The following CERS6 variants were observed in gnomAD, a reference collection of about 807,000 sequenced individuals.
CERS6 encodes LAG1 homolog, ceramide synthase 6.
A neutral mutation model predicts 56.8 loss-of-function variants in CERS6; 26 were observed. The observed-to-expected ratio is 0.46, with a 90% CI of 0.34 to 0.63. The LOEUF (loss-of-function observed/expected upper bound fraction) is 0.63, where lower values mean the gene tolerates loss of function less well. Ranked by LOEUF, CERS6 falls within the 30% of genes least tolerant of loss-of-function variation. The probability of loss-of-function intolerance (pLI) is 0.01; values close to 1 mark genes in which losing one functional copy is unlikely to be tolerated. For missense variants in CERS6, 415 were observed against 467.5 expected (o/e 0.89, Z 1.04); for synonymous variants, 164 against 173.3 (o/e 0.95, Z 0.42).
At chr2:168,723,907 G>T (rs1683262989) in intron 8 of CERS6, among the ~76,000 whole-genome samples, 1 of 152,162 alleles carries the variant, frequency 6.6e-6, no homozygotes, top group Non-Finnish European at 1.5e-5. Flanking sequence ...ATATGAATAG[G>T]TTTACTATAT....
At chr2:168,461,762 G>T (rs974646855) in intron 1 of CERS6, among the ~76,000 whole-genome samples, 1 of 152,220 alleles carries the variant, frequency 6.6e-6, no homozygotes, top group Non-Finnish European at 1.5e-5. Flanking sequence ...ATGATGTAAT[G>T]TCATCTAGGA....
At chr2:168,552,197 T>TA (rs1254159168) in intron 2 of CERS6, among the ~76,000 whole-genome samples, 1 of 152,160 alleles carries the variant, frequency 6.6e-6, no homozygotes, top group African/African-American at 2.4e-5. Flanking sequence ...TGGTTAAGAT[T>TA]AATGTTATTA....
At chr2:168,648,452 T>C (rs545558909) in intron 4 of CERS6, among the ~76,000 whole-genome samples, 42 of 152,300 alleles carry the variant, frequency 2.8e-4, no homozygotes, top group South Asian at 2.3e-3. Context: ...GTGTATCTTA[T>C]GAATTTTTTC....
At chr2:168,658,334 T>C (rs1487356117) in intron 4 of CERS6, among the ~76,000 whole-genome samples, 1 of 152,182 alleles carries the variant, frequency 6.6e-6, no homozygotes, top group African/African-American at 2.4e-5. Context: ...CCTGGTCAAA[T>C]TTTGAGGCCT....
chr2:168,562,365 C>T (rs1280756831), intron 3 of CERS6, among the ~76,000 whole-genome samples: 6 of 152,138 alleles, frequency 3.9e-5, no homozygotes, highest in African/African-American at 7.2e-5. Flanking sequence ...CCCAGGGGAC[C>T]GGCACTCAGC....
At position 168,774,710 on chromosome 2, in the gene CERS6, A is replaced by AAT. The variant is rs1360984046; in HGVS notation, c.*5048_*5049insAT. 1.7e-4 allele frequency: 26 copies of AAT among 152,124 alleles called. No homozygotes were observed. Among genetic ancestry groups the AAT allele is most frequent in the African/African-American group, 6.3e-4 (26 of 41,408 alleles). The allele number at this position is 152,124 out of a possible 1,614,324, so 9.4% of individuals were successfully genotyped here. A position where few individuals can be genotyped will look rare whatever the true frequency, so the allele number is the denominator to read the frequency against. On this transcript the variant is annotated 3_prime_UTR_variant, in exon 10 of 10. Coordinates refer to ENST00000305747, the MANE Select transcript of CERS6 (RefSeq NM_203463.3). ...TGATGATTCTGAAACTTTAACTTAG[A>AAT]GCTTCATTACTTTAAGAATGGAAAA...
intron 2 of CERS6, among the ~76,000 whole-genome samples, chr2:168,553,128 A>G (rs1443950915): frequency 6.6e-6 from 1 of 152,142 alleles, no homozygotes; most frequent in African/African-American, 2.4e-5. Context: ...GAAGGCAGGA[A>G]ACACTAGTCA....
At chr2:168,485,128 A>G (rs1358032914) in intron 1 of CERS6, among the ~76,000 whole-genome samples, 1 of 151,740 alleles carries the variant, frequency 6.6e-6, no homozygotes, top group Admixed American at 6.6e-5. Flanking sequence ...TTGACCCTTA[A>G]GTAAGATACA....
intron 4 of CERS6, among the ~76,000 whole-genome samples, chr2:168,632,463 C>T: frequency 6.6e-6 from 1 of 152,078 alleles, no homozygotes; most frequent in East Asian, 1.9e-4. Flanking sequence ...TTGTTTTTTA[C>T]TTGTAGTCTT....
intron 4 of CERS6, among the ~76,000 whole-genome samples, chr2:168,674,962 ATT>A (rs1686017468): frequency 2.2e-3 from 1 of 456 alleles, no homozygotes; most frequent in Non-Finnish European, 0.013. Flanking sequence ...ACATTACCTT[ATT>A]TATTTATTTA....
At chr2:168,687,123 A>G (rs2105356808) in intron 4 of CERS6, among the ~76,000 whole-genome samples, 1 of 152,308 alleles carries the variant, frequency 6.6e-6, no homozygotes, top group Non-Finnish European at 1.5e-5. Flanking sequence ...TCCCCAAGTG[A>G]CACACACAAA....
intron 8 of CERS6, among the ~76,000 whole-genome samples, chr2:168,746,775 G>GTATATATAATATATA (rs1684107860): frequency 2.6e-5 from 1 of 38,992 alleles, no homozygotes; most frequent in Non-Finnish European, 5.4e-5. Flanking sequence ...AGGGTAAAGG[G>GTATATATAATATATA]TATATATATA....
At chr2:168,605,278 G>C (rs1347212401) in intron 3 of CERS6, among the ~76,000 whole-genome samples, 1 of 152,182 alleles carries the variant, frequency 6.6e-6, no homozygotes, top group East Asian at 1.9e-4. Flanking sequence ...TGAGAGTGAT[G>C]GTTTAGGGTA....
intron 8 of CERS6, among the ~76,000 whole-genome samples, chr2:168,728,277 G>T: frequency 6.6e-6 from 1 of 151,780 alleles, no homozygotes; most frequent in East Asian, 1.9e-4. Context: ...CATTAGTCTC[G>T]TGAGTAATAA....
chr2:168,497,702 C>T (rs950575732), intron 1 of CERS6, among the ~76,000 whole-genome samples: 1 of 152,196 alleles, frequency 6.6e-6, no homozygotes, highest in South Asian at 2.1e-4. Flanking sequence ...GCTGGCTCAT[C>T]ACAGAGGGCC....
chr2:168,520,880 A>T (rs1691901659), intron 1 of CERS6, among the ~76,000 whole-genome samples: 1 of 152,038 alleles, frequency 6.6e-6, no homozygotes, highest in South Asian at 2.1e-4. Context: ...AAGTGCTGGG[A>T]TTACAGACGT....
At chr2:168,675,507 G>C (rs1686036087) in intron 4 of CERS6, among the ~76,000 whole-genome samples, 1 of 151,890 alleles carries the variant, frequency 6.6e-6, no homozygotes, top group Non-Finnish European at 1.5e-5. Flanking sequence ...GATGGCTTGA[G>C]CCCAGGGGGC....
intron 3 of CERS6, among the ~76,000 whole-genome samples, chr2:168,580,944 G>A (rs559002678): frequency 1.5e-4 from 23 of 151,382 alleles, no homozygotes; most frequent in African/African-American, 5.3e-4. Context: ...TTGTCTTTCT[G>A]TATTGCAATT....
At chr2:168,692,105 C>T (rs563555079) in intron 5 of CERS6, among the ~76,000 whole-genome samples, 4 of 152,194 alleles carry the variant, frequency 2.6e-5, no homozygotes, top group East Asian at 1.9e-4. Flanking sequence ...TCATCTCTTA[C>T]GAGTGGTTTT....
Sources: allele counts gnomAD v4.1 joint callset (sites outside exome capture counted in the v4.1 genomes callset), GRCh38; gene constraint gnomAD v4.1.1; transcripts MANE v1.5; gene names NCBI Gene and HGNC (gene_info 2026-07-23, HGNC 2026-07-21).